SEMA6D: variants seen among roughly 807,000 people sequenced by gnomAD.
SEMA6D encodes the protein semaphorin 6D, also known as semaphorin-6D.
In SEMA6D, 35 loss-of-function variants were observed where a neutral mutation model predicts 106.6. The observed-to-expected ratio is 0.33, with a 90% CI of 0.25 to 0.44. SEMA6D has a LOEUF of 0.44. SEMA6D is among the 20% of genes least tolerant of loss of function. SEMA6D has a pLI of 1.00. For synonymous variants in SEMA6D, 499 were observed against 487.7 expected (o/e 1.02, Z -0.31); for missense variants, 1,185 against 1,345.9 (o/e 0.88, Z 1.87).
intron 2 of SEMA6D, among the ~76,000 whole-genome samples, chr15:47,462,886 C>G (rs1458670689): frequency 6.6e-6 from 1 of 152,056 alleles, no homozygotes; most frequent in African/African-American, 2.4e-5. Context: ...CTTTATGGCT[C>G]TGTTTGTCCT....
At chr15:47,315,424 T>G (rs1375162426) in intron 1 of SEMA6D, among the ~76,000 whole-genome samples, 1 of 151,752 alleles carries the variant, frequency 6.6e-6, no homozygotes, top group African/African-American at 2.4e-5. Context: ...GGTCTATTTC[T>G]GGACTCTCTA....
At chr15:47,750,018 C>T (rs2081345577) in intron 1 of SEMA6D, among the ~76,000 whole-genome samples, 2 of 151,794 alleles carry the variant, frequency 1.3e-5, no homozygotes, top group African/African-American at 2.4e-5. Flanking sequence ...TTGGATTTGG[C>T]AATTAGGTGG....
At chr15:47,570,109 G>A (rs560144295) in intron 3 of SEMA6D, among the ~76,000 whole-genome samples, 22 of 152,014 alleles carry the variant, frequency 1.4e-4, no homozygotes, top group African/African-American at 5.3e-4. Context: ...GTATCTCCCT[G>A]AGTATCATTT....
intron 1 of SEMA6D, among the ~76,000 whole-genome samples, chr15:47,354,195 CTCTCTATA>C (rs1209565022): frequency 0.037 from 546 of 14,744 alleles, 7 homozygotes; most frequent in African/African-American, 0.1. Context: ...CTCTCTCTCT[CTCTCTATA>C]TATATATATA....
chr15:47,711,492 C>G (rs1014376810), intron 4 of SEMA6D, among the ~76,000 whole-genome samples: 1 of 152,038 alleles, frequency 6.6e-6, no homozygotes, highest in Non-Finnish European at 1.5e-5. Context: ...CATAAATGAA[C>G]CCCCCGTAAC....
chr15:47,756,823 C>G (rs2081768467), intron 1 of SEMA6D, among the ~76,000 whole-genome samples: 3 of 152,076 alleles, frequency 2.0e-5, no homozygotes, highest in African/African-American at 7.2e-5. Flanking sequence ...TTCTTCCCTC[C>G]CCCACCCAGC....
intron 4 of SEMA6D, among the ~76,000 whole-genome samples, chr15:47,620,692 A>AT (rs2077081898): frequency 7.6e-6 from 1 of 130,924 alleles, no homozygotes; most frequent in African/African-American, 2.7e-5. Context: ...CTTGCCTTTA[A>AT]AATATATATA....
chr15:47,312,384 T>C (rs1218116395), intron 1 of SEMA6D, among the ~76,000 whole-genome samples: 3 of 152,150 alleles, frequency 2.0e-5, no homozygotes, highest in Admixed American at 6.5e-5. Context: ...ATAATTGAAT[T>C]CCTTTCTTTT....
rs114349016 is a variant in SEMA6D at position 47,551,346 on chromosome 15, G to C, written c.-86-49519G>C. 6.0e-3 allele frequency among the ~76,000 whole-genome samples: 915 copies of C among 152,226 alleles called. 12 individuals carry two copies. Among genetic ancestry groups the C allele is most frequent in the African/African-American group, 0.02 (850 of 41,534 alleles). On this transcript the variant is annotated intron_variant, in intron 3 of 19. Transcript: ENST00000558014. ...TGGTTGGGGGCAGGTTGCAGAGTTGGGGGAAGGGATGGACTGAATGTACAC... is the reference window on the plus strand; with the variant it reads ...TGGTTGGGGGCAGGTTGCAGAGTTGCGGGAAGGGATGGACTGAATGTACAC...
chr15:47,450,774 C>G (rs1208368272), intron 2 of SEMA6D, among the ~76,000 whole-genome samples: 1 of 152,022 alleles, frequency 6.6e-6, no homozygotes, highest in East Asian at 1.9e-4. Context: ...GAAATATGAG[C>G]ATACTGGGGA....
intron 1 of SEMA6D, among the ~76,000 whole-genome samples, chr15:47,411,091 TTTTTGTTTTG>T (rs750116188): frequency 2.6e-5 from 4 of 151,876 alleles, no homozygotes; most frequent in South Asian, 2.1e-4. Flanking sequence ...TTAGCTGAGT[TTTTTGTTTTG>T]TTTTGTTTTG....
At chr15:47,307,916 T>C (rs2036290808) in intron 1 of SEMA6D, among the ~76,000 whole-genome samples, 2 of 152,184 alleles carry the variant, frequency 1.3e-5, no homozygotes. Context: ...GACATACTTG[T>C]TTGATCAGAG....
Position 47,771,350 on chromosome 15 carries a change from A to G in SEMA6D, c.2787A>G (p.Leu929=), listed in dbSNP as rs138974173. The G allele has an allele frequency of 1.2e-6, 2 of 1,613,954 alleles. No homozygotes were observed. Among genetic ancestry groups the G allele is most frequent in the East Asian group, 2.2e-5 (1 of 44,856 alleles). The stretch of plus-strand genomic sequence containing the variant: ...AAGTCCCTAACCGGGAGGCATCGCT[A>G]TACTCCCCTCCTTCAACTCTCCCCA... The part of the protein sequence containing the change: ...PPKVPNREAS[L]YSPPSTLPRN... The change falls in exon 19 of 19, where the codon CTA becomes CTG. Residue 929 remains leucine (L), a synonymous_variant. Transcript: ENST00000536845.
At chr15:47,426,278 C>T (rs1375864846) in intron 2 of SEMA6D, among the ~76,000 whole-genome samples, 1 of 152,026 alleles carries the variant, frequency 6.6e-6, no homozygotes, top group Admixed American at 6.6e-5. Flanking sequence ...GCTGGTACTA[C>T]AGGCATGTAC....
At chr15:47,540,207 A>G (rs2045312157) in intron 3 of SEMA6D, among the ~76,000 whole-genome samples, 1 of 152,152 alleles carries the variant, frequency 6.6e-6, no homozygotes, top group Admixed American at 6.6e-5. Flanking sequence ...ACTTTAAAAC[A>G]TGGTTTATTG....
At chr15:47,387,436 GTACCATA>G (rs1395190722) in intron 1 of SEMA6D, among the ~76,000 whole-genome samples, 3 of 152,164 alleles carry the variant, frequency 2.0e-5, no homozygotes, top group African/African-American at 7.2e-5. Context: ...CCTTGTATTA[GTACCATA>G]AACTTTTTGA....
intron 1 of SEMA6D, among the ~76,000 whole-genome samples, chr15:47,215,516 A>G (rs1175476888): frequency 6.6e-6 from 1 of 152,178 alleles, no homozygotes; most frequent in Non-Finnish European, 1.5e-5. Context: ...TTTAGCTCAT[A>G]TATATTTACA....
intron 3 of SEMA6D, among the ~76,000 whole-genome samples, chr15:47,540,936 A>T (rs1202979976): frequency 6.6e-6 from 1 of 152,200 alleles, no homozygotes; most frequent in Non-Finnish European, 1.5e-5. Context: ...GAAACTCATT[A>T]GTAATGGAAA....
At position 47,278,971 on chromosome 15, in the gene SEMA6D, C is replaced by A. The variant is rs1351677472; in HGVS notation, c.-239+94553C>A. Reference sequence around the variant, plus strand: ...GGGCTCTGTTCTGTTCCATTGATCTCTATCTCTGTTTTGGCACCAGTACCA... The same window carrying A: ...GGGCTCTGTTCTGTTCCATTGATCTATATCTCTGTTTTGGCACCAGTACCA... On this transcript the variant is annotated intron_variant, in intron 1 of 19. Coordinates refer to the SEMA6D transcript ENST00000558014. 9.5e-3 allele frequency among the ~76,000 whole-genome samples: 1,370 copies of A among 144,836 alleles called. 6 individuals are homozygous for A. Among genetic ancestry groups the A allele is most frequent in the African/African-American group, 0.011 (412 of 38,352 alleles).
Sources: allele counts gnomAD v4.1 joint callset (sites outside exome capture counted in the v4.1 genomes callset), GRCh38; gene constraint gnomAD v4.1.1; transcripts MANE v1.5; gene names NCBI Gene and HGNC (gene_info 2026-07-23, HGNC 2026-07-21).